The following PARN variants were observed in gnomAD, a reference collection of about 807,000 sequenced individuals.
PARN encodes poly(A)-specific ribonuclease.
PARN carries 71 observed loss-of-function variants against 102.8 expected under a neutral mutation model. The ratio of observed to expected loss-of-function variants is 0.69; its 90% CI spans 0.57 to 0.84. PARN has a LOEUF of 0.84. PARN is among the 40% of genes least tolerant of loss of function. PARN has a pLI of 0.00. For synonymous variants in PARN, 261 were observed against 252.9 expected (o/e 1.03, Z -0.30); for missense variants, 782 against 760.9 (o/e 1.03, Z -0.33).
Position 14,590,347 on chromosome 16 carries a change from A to G in PARN, c.918+2954T>C, listed in dbSNP as rs549493413. On this transcript the variant is annotated intron_variant, in intron 13 of 23. Coordinates refer to ENST00000437198, the MANE Select transcript of PARN (RefSeq NM_002582.4). ...TAGCTCATTAGACTTAAGAAATGCCAATCCAGGCCAGACGTGGTGGCTCAC... is the reference window on the plus strand; with the variant it reads ...TAGCTCATTAGACTTAAGAAATGCCGATCCAGGCCAGACGTGGTGGCTCAC... Among the ~76,000 whole-genome samples, 12 of 151,208 alleles carry G rather than the reference A, an allele frequency of 7.9e-5. No homozygotes were observed. In the South Asian group the frequency reaches 2.3e-3, roughly 29 times the overall value.
chr16:14,557,833 A>C (rs1408535678), intron 18 of PARN, among the ~76,000 whole-genome samples: 1 of 152,216 alleles, frequency 6.6e-6, no homozygotes, highest in Non-Finnish European at 1.5e-5. Context: ...ATGCCAGAAG[A>C]CAAGAAGATA....
chr16:14,458,554 A>G (rs1961797203), intron 22 of PARN, among the ~76,000 whole-genome samples: 2 of 152,132 alleles, frequency 1.3e-5, no homozygotes, highest in African/African-American at 4.8e-5. Flanking sequence ...CCTTGCAGGC[A>G]CTCTCTTTGT....
intron 21 of PARN, among the ~76,000 whole-genome samples, chr16:14,527,228 GT>G (rs1966056695): frequency 6.6e-6 from 1 of 152,196 alleles, no homozygotes; most frequent in Admixed American, 6.5e-5. Flanking sequence ...AAACAAGCCA[GT>G]TTTACCTGAC....
chr16:14,587,692 AAAAAC>A (rs1276171558), intron 13 of PARN, among the ~76,000 whole-genome samples: 1 of 152,248 alleles, frequency 6.6e-6, no homozygotes, highest in African/African-American at 2.4e-5. Flanking sequence ...GTAGATGGAA[AAAAAC>A]AAAACAAAAC....
chr16:14,593,252 G>C, intron 13 of PARN, 49 bp downstream of exon 13: 1 of 991,948 alleles, frequency 1.0e-6, no homozygotes, highest in Non-Finnish European at 1.6e-6. Context: ...TATTTTTTCA[G>C]ATAAAAAGAA....
At position 14,436,856 on chromosome 16, in the gene PARN, G is replaced by T. The variant is rs569414119; in HGVS notation, c.1865-84C>A. On this transcript the variant is annotated intron_variant, in intron 23 of 23. Coordinates refer to ENST00000437198, the MANE Select transcript of PARN (RefSeq NM_002582.4). ...GCATGACATGACCAGCAGACAGACA[G>T]AGGGCCTGTGACGGCTGCAGACGGG... 275 of 1,006,558 alleles carry T rather than the reference G, an allele frequency of 2.7e-4. 7 individuals are homozygous for T. In the East Asian group the frequency reaches 7.1e-3, roughly 26 times the overall value. The allele number at this position is 1,006,558 out of a possible 1,614,324, so 62.4% of individuals were successfully genotyped here. A position where few individuals can be genotyped will look rare whatever the true frequency, so the allele number is the denominator to read the frequency against.
At chr16:14,543,799 AC>A (rs1406904567) in intron 21 of PARN, among the ~76,000 whole-genome samples, 4 of 152,282 alleles carry the variant, frequency 2.6e-5, no homozygotes, top group Non-Finnish European at 5.9e-5. Flanking sequence ...GAGAAAGCAA[AC>A]AAAAAGCAAA....
chr16:14,593,210 A>T, intron 13 of PARN, 91 bp downstream of exon 13: 1 of 727,068 alleles, frequency 1.4e-6, no homozygotes, highest in Non-Finnish European at 2.4e-6. Flanking sequence ...GCACCCAAGT[A>T]GAGGACAGTT....
At chr16:14,603,331 T>C (rs145588203) in intron 11 of PARN, among the ~76,000 whole-genome samples, 4 of 152,168 alleles carry the variant, frequency 2.6e-5, no homozygotes, top group African/African-American at 9.6e-5. Flanking sequence ...TAATATGCTG[T>C]CTCCCAAAGT....
chr16:14,586,108 TA>T (rs1969839812), intron 14 of PARN, among the ~76,000 whole-genome samples: 1 of 151,512 alleles, frequency 6.6e-6, no homozygotes, highest in Non-Finnish European at 1.5e-5. Flanking sequence ...GCCTCCTGAG[TA>T]GCTGGACCAC....
Position 14,630,192 on chromosome 16 carries a change from A to G in PARN, c.-67T>C, listed in dbSNP as rs530369406. On this transcript the variant is annotated 5_prime_UTR_variant, in exon 1 of 24. Coordinates refer to ENST00000437198, the MANE Select transcript of PARN (RefSeq NM_002582.4). ...CCCGCCTCAGCGGTTCTACTCGCCG[A>G]ATTCCGCGGCGACTGCGGCAGTAGC... The G allele has an allele frequency of 5.1e-4, 722 of 1,428,512 alleles. 12 individuals are homozygous for G. In the South Asian group the frequency reaches 8.8e-3, roughly 17 times the overall value. 88.5% of individuals were successfully genotyped at this position (1,428,512 alleles called of 1,614,324 possible).
chr16:14,600,548 A>G (rs1970809835), intron 11 of PARN, among the ~76,000 whole-genome samples: 1 of 151,974 alleles, frequency 6.6e-6, no homozygotes, highest in Non-Finnish European at 1.5e-5. Flanking sequence ...TTGTCTCATC[A>G]AAGCTAACTT....
chr16:14,470,427 G>C (rs1047828531), intron 22 of PARN, among the ~76,000 whole-genome samples: 1 of 138,988 alleles, frequency 7.2e-6, no homozygotes, highest in Admixed American at 7.2e-5. Flanking sequence ...AGAAATCTTA[G>C]AGTTTGGATG....
At chr16:14,473,836 C>T (rs1461530446) in intron 22 of PARN, among the ~76,000 whole-genome samples, 1 of 152,118 alleles carries the variant, frequency 6.6e-6, no homozygotes, top group Non-Finnish European at 1.5e-5. Context: ...AGCACAGGGC[C>T]AAGACAAAGA....
Position 14,593,283 on chromosome 16 carries a change from G to T in PARN, c.918+18C>A. 2 of 1,391,346 alleles carry T rather than the reference G, an allele frequency of 1.4e-6. No individual in the cohort carries two copies. Among genetic ancestry groups the T allele is most frequent in the Admixed American group, 1.7e-5 (1 of 59,206 alleles). 86.2% of individuals were successfully genotyped at this position (1,391,346 alleles called of 1,614,324 possible). ...AAGAATCCTGCTAATATTAAACACA[G>T]ACCAACAGGTCACTTACCGCAGGCA... On this transcript the variant is annotated intron_variant, in intron 13 of 23. Transcript: ENST00000437198.
rs940172087 is a variant in PARN, at chr16:14,594,967, A to G, written c.841-1589T>C. 4.6e-5 allele frequency among the ~76,000 whole-genome samples: 7 copies of G among 152,332 alleles called. 1 individual carries two copies. In the East Asian group the frequency reaches 1.3e-3, roughly 29 times the overall value. On this transcript the variant is annotated intron_variant, in intron 12 of 23. Coordinates refer to ENST00000437198, the MANE Select transcript of PARN (RefSeq NM_002582.4). The stretch of plus-strand genomic sequence containing the variant: ...TGTAGGTAACCCCAAATGGAATGCA[A>G]ACACTAAGAAATGAACCAAACTGTA...
intron 18 of PARN, among the ~76,000 whole-genome samples, chr16:14,562,195 T>G (rs1474354133): frequency 6.7e-6 from 1 of 149,592 alleles, no homozygotes; most frequent in Non-Finnish European, 1.5e-5. Flanking sequence ...AGAAAAAAAC[T>G]GCCAAGCATA....
Position 14,509,778 on chromosome 16 carries a change from T to C in PARN, c.1481-26951A>G, listed in dbSNP as rs376312134. On this transcript the variant is annotated intron_variant, in intron 21 of 23. Coordinates refer to ENST00000437198, the MANE Select transcript of PARN (RefSeq NM_002582.4). ...AGTACATCCTCAACCCCTGGAAAGC[T>C]TTCCATGTTTTTCTATTCTTCAAGG... Among the ~76,000 whole-genome samples, 3 of 152,358 alleles carry C rather than the reference T, an allele frequency of 2.0e-5. No homozygotes were observed. The East Asian group carries it at 5.8e-4, about 29-fold the overall frequency.
intron 21 of PARN, among the ~76,000 whole-genome samples, chr16:14,489,903 T>A (rs1468359829): frequency 6.6e-6 from 1 of 152,254 alleles, no homozygotes; most frequent in Non-Finnish European, 1.5e-5. Context: ...ACATGGTGGC[T>A]CATGCCTATA....
Sources: allele counts gnomAD v4.1 joint callset (sites outside exome capture counted in the v4.1 genomes callset), GRCh38; gene constraint gnomAD v4.1.1; transcripts MANE v1.5; gene names NCBI Gene and HGNC (gene_info 2026-07-23, HGNC 2026-07-21).